Variants in CDKAL1 observed in about 807,000 individuals in gnomAD.
CDKAL1 encodes the protein threonylcarbamoyladenosine tRNA methylthiotransferase.
In CDKAL1, 32 loss-of-function variants were observed where a neutral mutation model predicts 68.2. The ratio of observed to expected loss-of-function variants is 0.47; its 90% CI spans 0.35 to 0.63. The LOEUF (loss-of-function observed/expected upper bound fraction) is 0.63, where lower values mean the gene tolerates loss of function less well. CDKAL1 is among the 30% of genes least tolerant of loss of function. The pLI is 0.00. For missense variants in CDKAL1, 606 were observed against 696.7 expected, an observed-to-expected ratio of 0.87 and a Z score of 1.47; for synonymous variants, 234 against 244.3, an observed-to-expected ratio of 0.96 and a Z score of 0.39.
At chr6:21,200,301 C>G (rs567376308) in intron 14 of CDKAL1, among the ~76,000 whole-genome samples, 48 of 152,242 alleles carry the variant, frequency 3.2e-4, no homozygotes, top group African/African-American at 1.0e-3. Flanking sequence ...GCCAAAGTAC[C>G]CTTCAGAGGA....
At chr6:20,773,414 A>G (rs1182173296) in intron 7 of CDKAL1, among the ~76,000 whole-genome samples, 2 of 152,256 alleles carry the variant, frequency 1.3e-5, no homozygotes, top group Admixed American at 6.5e-5. Flanking sequence ...TAAAGTGGTA[A>G]CTATGGACAT....
chr6:21,208,732 TGTTA>T lies in CDKAL1; in HGVS notation c.1548+7462_1548+7465del, dbSNP rs1040986706. Among the ~76,000 whole-genome samples, 62 of 152,220 alleles carry T rather than the reference TGTTA, an allele frequency of 4.1e-4. 1 individual carries two copies. Among genetic ancestry groups the T allele is most frequent in the African/African-American group, 1.1e-3 (45 of 41,452 alleles). ...TGCATTTTTCTTTCATTTTGTATCTTGTTAGTTTCTTTTACAGACTGGTTAGGAC... is the reference window on the plus strand; with the variant it reads ...TGCATTTTTCTTTCATTTTGTATCTTGTTTCTTTTACAGACTGGTTAGGAC... On this transcript the variant is annotated intron_variant, in intron 15 of 15. Coordinates refer to ENST00000274695, the MANE Select transcript of CDKAL1 (RefSeq NM_017774.3).
At chr6:20,717,417 A>G (rs571454212) in intron 5 of CDKAL1, among the ~76,000 whole-genome samples, 60 of 151,874 alleles carry the variant, frequency 4.0e-4, no homozygotes, top group African/African-American at 1.4e-3. Flanking sequence ...CTAGCACACA[A>G]GCAGAAGCAT....
intron 9 of CDKAL1, among the ~76,000 whole-genome samples, chr6:20,932,330 GC>G (rs2150676537): frequency 6.6e-6 from 1 of 152,158 alleles, no homozygotes; most frequent in East Asian, 1.9e-4. Flanking sequence ...GATCACTGGG[GC>G]ACACAGTTTT....
chr6:20,701,894 G>A (rs1220930053), intron 5 of CDKAL1, among the ~76,000 whole-genome samples: 3 of 152,162 alleles, frequency 2.0e-5, no homozygotes, highest in Admixed American at 2.0e-4. Context: ...ATTAGAAAAG[G>A]AATGGAGACA....
At chr6:21,042,975 C>G (rs1221457366) in intron 11 of CDKAL1, among the ~76,000 whole-genome samples, 1 of 152,156 alleles carries the variant, frequency 6.6e-6, no homozygotes, top group Non-Finnish European at 1.5e-5. Flanking sequence ...ATAGTACCTA[C>G]TTTATGGGAG....
rs191916043 is a variant in CDKAL1 at position 20,698,432 on chromosome 6, C to T, written c.372-41087C>T. ...TTATTCAGATTTCACTAGTTTTCCC[C>T]TAAAGTCCTTTTTCTGTTCCAGTAT... On this transcript the variant is annotated intron_variant, in intron 5 of 15. Coordinates refer to ENST00000274695, the MANE Select transcript of CDKAL1 (RefSeq NM_017774.3). Among the ~76,000 whole-genome samples, 10 of 152,242 alleles carry T rather than the reference C, an allele frequency of 6.6e-5. No homozygotes were observed. The East Asian group carries it at 1.9e-3, about 29-fold the overall frequency.
intron 8 of CDKAL1, among the ~76,000 whole-genome samples, chr6:20,785,921 C>T (rs960262896): frequency 6.6e-6 from 1 of 152,116 alleles, no homozygotes; most frequent in African/African-American, 2.4e-5. Flanking sequence ...ATATTTCTAG[C>T]TTAAAATATA....
chr6:20,883,428 C>T (rs553848683), intron 9 of CDKAL1, among the ~76,000 whole-genome samples: 5 of 152,224 alleles, frequency 3.3e-5, no homozygotes, highest in Non-Finnish European at 4.4e-5. Context: ...GTTCCCTCCC[C>T]CTGAATGTGG....
intron 4 of CDKAL1, among the ~76,000 whole-genome samples, chr6:20,623,523 T>A (rs1475868760): frequency 6.6e-6 from 1 of 152,116 alleles, no homozygotes; most frequent in East Asian, 1.9e-4. Flanking sequence ...CTATGTTATG[T>A]TCAAATCTTG....
chr6:20,609,543 G>GCACA (rs1450351997), intron 4 of CDKAL1, among the ~76,000 whole-genome samples: 2 of 151,372 alleles, frequency 1.3e-5, no homozygotes, highest in African/African-American at 4.9e-5. Flanking sequence ...TTACAGGTGT[G>GCACA]CACCACCACG....
chr6:21,033,518 G>C (rs1051759776), intron 11 of CDKAL1, among the ~76,000 whole-genome samples: 2 of 152,118 alleles, frequency 1.3e-5, no homozygotes, highest in African/African-American at 4.8e-5. Context: ...GCTTTAAGGG[G>C]ACCTGGAGAG....
intron 12 of CDKAL1, among the ~76,000 whole-genome samples, chr6:21,088,482 CA>C (rs1205094006): frequency 3.9e-5 from 6 of 152,194 alleles, no homozygotes; most frequent in African/African-American, 1.4e-4. Flanking sequence ...GGAAAAGATG[CA>C]GTCTTACTTC....
chr6:20,920,434 G>T (rs1274028209), intron 9 of CDKAL1, among the ~76,000 whole-genome samples: 1 of 152,174 alleles, frequency 6.6e-6, no homozygotes, highest in Admixed American at 6.5e-5. Flanking sequence ...TCAGACTCAT[G>T]CTTGACTGAC....
In CDKAL1 at chr6:21,201,093, A is replaced by G. The variant is rs942741100; in HGVS notation, c.1384-17A>G. 3 of 1,589,578 alleles carry G rather than the reference A, an allele frequency of 1.9e-6. No individual in the cohort carries two copies. Among genetic ancestry groups the G allele is most frequent in the African/African-American group, 2.7e-5 (2 of 74,140 alleles). On this transcript the variant is annotated splice_polypyrimidine_tract_variant and intron_variant, in intron 14 of 15. Transcript: ENST00000274695. The stretch of plus-strand genomic sequence containing the variant: ...TTTATTTTTAAAAATTAAGCCTCTG[A>G]AACAAATGTGTTTAAGGTTTTAGTG...
At chr6:20,998,998 T>G (rs1422248812) in intron 10 of CDKAL1, among the ~76,000 whole-genome samples, 3 of 152,218 alleles carry the variant, frequency 2.0e-5, no homozygotes, top group African/African-American at 7.2e-5. Context: ...TGACTAACTC[T>G]TGAAGAGCTG....
chr6:21,008,147 C>T (rs1047867643), intron 11 of CDKAL1, among the ~76,000 whole-genome samples: 5 of 152,260 alleles, frequency 3.3e-5, no homozygotes, highest in Middle Eastern at 6.8e-3. Flanking sequence ...GCTGAATTTG[C>T]AGTGACTGCC....
intron 4 of CDKAL1, among the ~76,000 whole-genome samples, chr6:20,620,806 G>A (rs1280508808): frequency 6.6e-6 from 1 of 151,544 alleles, no homozygotes; most frequent in Non-Finnish European, 1.5e-5. Context: ...AGTATGGAAT[G>A]CTCCTATAGG....
chr6:20,902,311 TCA>T (rs71658260), intron 9 of CDKAL1, among the ~76,000 whole-genome samples: 169 of 8,204 alleles, frequency 0.021, no homozygotes, highest in East Asian at 0.091. Flanking sequence ...CGTGGTGGAT[TCA>T]CACACACACA....
Sources: gnomAD v4.1 joint callset for allele counts (sites outside exome capture counted in the v4.1 genomes callset) on GRCh38, gnomAD v4.1.1 for gene constraint, MANE v1.5 for transcripts, NCBI Gene and HGNC (gene_info 2026-07-23, HGNC 2026-07-21) for gene names.